Variants in CDKL3 observed in about 807,000 individuals in gnomAD.
CDKL3 encodes cyclin dependent kinase like 3, also known as cyclin-dependent kinase-like 3.
CDKL3 carries 65 observed loss-of-function variants against 69.3 expected under a neutral mutation model. The observed-to-expected ratio is 0.94, with a 90% confidence interval of 0.77 to 1.15. CDKL3 has a LOEUF of 1.15. Ranked by LOEUF, CDKL3 falls within the 50% of genes most tolerant of loss-of-function variation. The pLI is 0.00. For missense variants in CDKL3, 652 were observed against 689.2 expected, an observed-to-expected ratio of 0.95 and a Z score of 0.61; for synonymous variants, 202 against 221.6, an observed-to-expected ratio of 0.91 and a Z score of 0.79.
At chr5:134,302,806 G>C in intron 11 of CDKL3, 119 bp from the exon 12 acceptor site, 1 of 558,236 alleles carries the variant, frequency 1.8e-6, no homozygotes, top group Non-Finnish European at 3.1e-6. Flanking sequence ...TATTACAAAG[G>C]AACAAAATAA....
chr5:134,332,861 T>C (rs561297703), intron 4 of CDKL3, among the ~76,000 whole-genome samples: 5 of 152,360 alleles, frequency 3.3e-5, no homozygotes, highest in South Asian at 4.1e-4. Flanking sequence ...GGGGATAGCA[T>C]TGAATCTATA....
intron 4 of CDKL3, among the ~76,000 whole-genome samples, chr5:134,332,454 T>C (rs1327801102): frequency 6.6e-6 from 1 of 152,254 alleles, no homozygotes; most frequent in African/African-American, 2.4e-5. Context: ...TTAATCCATC[T>C]TGAGTTAATT....
chr5:134,340,534 T>G (rs1018083548), intron 4 of CDKL3, among the ~76,000 whole-genome samples: 2 of 152,014 alleles, frequency 1.3e-5, no homozygotes, highest in South Asian at 2.1e-4. Flanking sequence ...AGAGGTGACA[T>G]TACTACTGAC....
upstream of CDKL3, among the ~76,000 whole-genome samples, chr5:134,369,848 G>T (rs1489365572): frequency 6.6e-6 from 1 of 151,958 alleles, no homozygotes; most frequent in Non-Finnish European, 1.5e-5. Flanking sequence ...AGCTCATGAG[G>T]GATATTTTTA....
chr5:134,371,473 TC>T, upstream of CDKL3: 1 of 1,143,788 alleles, frequency 8.7e-7, no homozygotes, highest in South Asian at 1.4e-5. Context: ...TTTGTCAGTC[TC>T]GGCGGCGGCG....
At position 134,308,672 on chromosome 5, in the gene CDKL3, T is replaced by C. The variant is rs951205415; in HGVS notation, c.937A>G (p.Ile313Val). Residue 313 changes from isoleucine (I) to valine (V), a missense_variant, in exon 8 of 13, where the codon ATA becomes GTA. Physicochemically the swap from Ile to Val is conservative, Grantham distance 29 (BLOSUM62 3). Coordinates refer to ENST00000265334, the MANE Select transcript of CDKL3 (RefSeq NM_001113575.2). ...LLQEAKVNSL[I>V]KPKESSKENE... is the part of the protein sequence containing the mutation. Reference sequence around the variant, plus strand: ...TCTTTAGAACTCTCTTTTGGCTTTATTAATGAATTGACTTTTGCTTCCTGC... The same window carrying C: ...TCTTTAGAACTCTCTTTTGGCTTTACTAATGAATTGACTTTTGCTTCCTGC... 4.4e-6 allele frequency: 7 copies of C among 1,607,598 alleles called. No individual in the cohort carries two copies. The highest frequency in any genetic ancestry group is 4.0e-5 in the African/African-American group (3 of 74,560).
At chr5:134,287,176 A>T (rs1047689869) in intron 8 of CDKL3, among the ~76,000 whole-genome samples, 1 of 152,170 alleles carries the variant, frequency 6.6e-6, no homozygotes, top group Non-Finnish European at 1.5e-5. Context: ...GGAGGAAAAG[A>T]TGATTCATAG....
At chr5:134,349,449 C>T (rs1002650017) in intron 4 of CDKL3, among the ~76,000 whole-genome samples, 1 of 152,158 alleles carries the variant, frequency 6.6e-6, no homozygotes, top group African/African-American at 2.4e-5. Context: ...GCCACCACGC[C>T]TGGCTAAATT....
chr5:134,315,400 T>C (rs559951936), intron 6 of CDKL3, among the ~76,000 whole-genome samples: 1 of 152,262 alleles, frequency 6.6e-6, no homozygotes, highest in African/African-American at 2.4e-5. Context: ...GCTGCAAGCA[T>C]AAATCACTGC....
intron 2 of CDKL3, among the ~76,000 whole-genome samples, chr5:134,363,141 G>C (rs946469047): frequency 2.0e-5 from 3 of 151,912 alleles, no homozygotes; most frequent in Non-Finnish European, 4.4e-5. Context: ...TGCCTTGGGG[G>C]AAAAAAATCT....
intron 4 of CDKL3, 37 bp from the exon 5 acceptor site, chr5:134,321,940 T>C (rs1214215307): frequency 8.4e-6 from 9 of 1,076,350 alleles, no homozygotes; most frequent in Admixed American, 2.2e-5. Flanking sequence ...CACTTTTTCA[T>C]GTAGAAATTT....
chr5:134,346,565 C>T (rs1055751210), intron 4 of CDKL3, among the ~76,000 whole-genome samples: 5 of 152,132 alleles, frequency 3.3e-5, no homozygotes, highest in Non-Finnish European at 5.9e-5. Context: ...GGTGCGATCT[C>T]GGCTCACCGC....
At chr5:134,315,129 T>C (rs890827984) in intron 6 of CDKL3, among the ~76,000 whole-genome samples, 5 of 151,974 alleles carry the variant, frequency 3.3e-5, no homozygotes, top group African/African-American at 4.8e-5. Context: ...GAAAAATCAA[T>C]GGAACAGAAA....
At chr5:134,298,395 C>A, downstream of CDKL3, 1 of 1,250,524 alleles carries the variant, frequency 8.0e-7, no homozygotes, top group Non-Finnish European at 1.0e-6. Context: ...TTGTGTTATC[C>A]ACTCAGTAAT....
intron 4 of CDKL3, among the ~76,000 whole-genome samples, chr5:134,343,051 A>G (rs780062034): frequency 4.6e-5 from 7 of 152,104 alleles, no homozygotes; most frequent in Non-Finnish European, 1.0e-4. Context: ...CAAAAAATTT[A>G]AAAATTAGCC....
chr5:134,368,659 A>G (rs1178440958), upstream of CDKL3, among the ~76,000 whole-genome samples: 1 of 151,786 alleles, frequency 6.6e-6, no homozygotes, highest in Non-Finnish European at 1.5e-5. Context: ...ATTCAACCAC[A>G]ATATAAAATA....
intron 4 of CDKL3, among the ~76,000 whole-genome samples, chr5:134,332,743 G>C (rs1382716086): frequency 6.6e-6 from 1 of 152,182 alleles, no homozygotes; most frequent in Non-Finnish European, 1.5e-5. Flanking sequence ...CTCCAGCTTT[G>C]TTCTTTTTGC....
chr5:134,362,007 T>C (rs1407136898), intron 2 of CDKL3, among the ~76,000 whole-genome samples: 2 of 152,136 alleles, frequency 1.3e-5, no homozygotes, highest in South Asian at 4.1e-4. Flanking sequence ...GCAGTGAAAG[T>C]AGGGAAGGGG....
chr5:134,284,271 C>G (rs369352789), downstream of CDKL3, among the ~76,000 whole-genome samples: 100 of 152,300 alleles, frequency 6.6e-4, no homozygotes, highest in African/African-American at 2.3e-3. Context: ...TACAGCTGGG[C>G]CTCCGGGGGT....
Sources: allele counts gnomAD v4.1 joint callset (sites outside exome capture counted in the v4.1 genomes callset), GRCh38; gene constraint gnomAD v4.1.1; transcripts MANE v1.5; gene names NCBI Gene and HGNC (gene_info 2026-07-23, HGNC 2026-07-21).